The following RBMS1 variants were observed in gnomAD, a reference collection of about 807,000 sequenced individuals.
RBMS1 encodes RNA-binding motif, single-stranded-interacting protein 1.
RBMS1 carries 17 observed loss-of-function variants against 62.3 expected under a neutral mutation model. The ratio of observed to expected loss-of-function variants is 0.27; its 90% CI spans 0.19 to 0.41. The LOEUF is 0.41. Among genes scored for constraint, RBMS1 ranks in the 10% least tolerant of loss-of-function variants. The probability of loss-of-function intolerance (pLI) is 1.00; values close to 1 mark genes in which losing one functional copy is unlikely to be tolerated. For missense variants in RBMS1, 334 were observed against 504.5 expected, an observed-to-expected ratio of 0.66 and a Z score of 3.24; for synonymous variants, 172 against 170.0, an observed-to-expected ratio of 1.01 and a Z score of -0.09.
intron 1 of RBMS1, chr2:160,407,594 G>C (rs1335476304): frequency 5.1e-6 from 5 of 982,736 alleles, no homozygotes; most frequent in Middle Eastern, 5.2e-4. Flanking sequence ...CTCGCCGCGA[G>C]GGGGAGGGCG....
intron 1 of RBMS1, among the ~76,000 whole-genome samples, chr2:160,443,234 A>C (rs10460342): frequency 0.28 from 42,194 of 150,270 alleles, 6,555 homozygotes; most frequent in East Asian, 0.6. Context: ...AAAAAAAAAA[A>C]CCTTGACTTA....
At chr2:160,373,161 A>G (rs1029699538) in intron 1 of RBMS1, among the ~76,000 whole-genome samples, 1 of 152,106 alleles carries the variant, frequency 6.6e-6, no homozygotes, top group African/African-American at 2.4e-5. Flanking sequence ...CTGTCAAAGG[A>G]GAGGGGCCCA....
intron 1 of RBMS1, among the ~76,000 whole-genome samples, chr2:160,419,555 T>C (rs1473354075): frequency 6.6e-6 from 1 of 152,218 alleles, no homozygotes; most frequent in African/African-American, 2.4e-5. Flanking sequence ...GACAAAGTGC[T>C]GATAATTGCT....
intron 2 of RBMS1, among the ~76,000 whole-genome samples, chr2:160,355,327 T>A (rs75698681): frequency 0.025 from 3,786 of 152,188 alleles, 187 homozygotes; most frequent in African/African-American, 0.087. Flanking sequence ...ATTACTTCTT[T>A]CTGTTTAATA....
intron 3 of RBMS1, among the ~76,000 whole-genome samples, chr2:160,316,074 G>T (rs1690203956): frequency 6.6e-6 from 1 of 151,844 alleles, no homozygotes; most frequent in Non-Finnish European, 1.5e-5. Context: ...AATCTTTTAT[G>T]CATTTATTTA....
chr2:160,444,929 ATCC>A, intron 1 of RBMS1, among the ~76,000 whole-genome samples: 1 of 152,230 alleles, frequency 6.6e-6, no homozygotes, highest in Non-Finnish European at 1.5e-5. Flanking sequence ...TTGGACTCCC[ATCC>A]TCCAGAACTG....
chr2:160,275,636 G>C lies in RBMS1; in HGVS notation c.*1C>G. On this transcript the variant is annotated 3_prime_UTR_variant, in exon 13 of 14. Transcript: ENST00000348849. Reference sequence around the variant, plus strand: ...GAAGACCTTTCCCTCATACCTCACAGTTACTTATTAGGTTGAAAGGTATAT... The same window carrying C: ...GAAGACCTTTCCCTCATACCTCACACTTACTTATTAGGTTGAAAGGTATAT... 6.2e-7 allele frequency: 1 copy of C among 1,613,420 alleles called. No individual in the cohort carries two copies. Among genetic ancestry groups the C allele is most frequent in the Non-Finnish European group, 8.5e-7 (1 of 1,179,520 alleles).
At chr2:160,343,287 T>C (rs1209846818) in intron 2 of RBMS1, among the ~76,000 whole-genome samples, 4 of 152,228 alleles carry the variant, frequency 2.6e-5, no homozygotes, top group Admixed American at 2.6e-4. Context: ...GATGGCTGAT[T>C]TGCATTTCAG....
chr2:160,354,198 TAGAGATGAAAAA>T (rs1692671196), intron 2 of RBMS1, among the ~76,000 whole-genome samples: 1 of 152,122 alleles, frequency 6.6e-6, no homozygotes, highest in Admixed American at 6.6e-5. Flanking sequence ...TAATTCAGAC[TAGAGATGAAAAA>T]AGTTCAATAA....
At chr2:160,372,191 C>A (rs921044003) in intron 1 of RBMS1, among the ~76,000 whole-genome samples, 10 of 152,156 alleles carry the variant, frequency 6.6e-5, no homozygotes, top group African/African-American at 2.2e-4. Context: ...TTCCCACCCC[C>A]ACCTTACTTA....
chr2:160,399,609 A>G (rs1343387141), intron 1 of RBMS1, among the ~76,000 whole-genome samples: 1 of 152,158 alleles, frequency 6.6e-6, no homozygotes, highest in Non-Finnish European at 1.5e-5. Context: ...CTTTCAGTTT[A>G]AACAAAAGAA....
chr2:160,427,225 T>G (rs1338140384), intron 1 of RBMS1, among the ~76,000 whole-genome samples: 3 of 152,186 alleles, frequency 2.0e-5, no homozygotes, highest in African/African-American at 7.2e-5. Context: ...TTTCCTTCTT[T>G]AAAATAAAGA....
At chr2:160,478,692 A>G (rs149678390) in intron 1 of RBMS1, among the ~76,000 whole-genome samples, 148 of 152,304 alleles carry the variant, frequency 9.7e-4, no homozygotes, top group African/African-American at 3.3e-3. Flanking sequence ...GATTTTCCTA[A>G]TGCATGGCAC....
chr2:160,372,221 TA>T (rs1434604109), intron 1 of RBMS1, among the ~76,000 whole-genome samples: 2 of 151,642 alleles, frequency 1.3e-5, no homozygotes, highest in African/African-American at 4.8e-5. Context: ...CTAATAATTC[TA>T]GTACGTTTTG....
chr2:160,435,733 AATTGAAATAGAATG>A (rs1683082063), intron 1 of RBMS1, among the ~76,000 whole-genome samples: 1 of 152,234 alleles, frequency 6.6e-6, no homozygotes, highest in Non-Finnish European at 1.5e-5. Context: ...TTATATGAGC[AATTGAAATAGAATG>A]ATGGAAAATC....
In RBMS1 at chr2:160,390,716, A is replaced by C. The variant is rs367611801; in HGVS notation, c.76-23325T>G. 2.5e-3 allele frequency among the ~76,000 whole-genome samples: 372 copies of C among 149,504 alleles called. 1 individual carries two copies. Among genetic ancestry groups the C allele is most frequent in the African/African-American group, 8.4e-3 (342 of 40,870 alleles). On this transcript the variant is annotated intron_variant, in intron 1 of 13. Coordinates refer to ENST00000348849, the MANE Select transcript of RBMS1 (RefSeq NM_016836.4). ...AAAAAAAAAAAAAAAAAAAGCAACG[A>C]GGAACTTTTGGCTGGAATGGCAGGT...
At chr2:160,342,769 CA>C (rs550170417) in intron 2 of RBMS1, among the ~76,000 whole-genome samples, 33,229 of 117,228 alleles carry the variant, frequency 0.28, 4,283 homozygotes, top group South Asian at 0.4. Context: ...ATACAAAATA[CA>C]AAAAAAAAAA....
intron 2 of RBMS1, among the ~76,000 whole-genome samples, chr2:160,360,161 G>C (rs372438505): frequency 6.6e-6 from 1 of 152,122 alleles, no homozygotes; most frequent in Non-Finnish European, 1.5e-5. Flanking sequence ...GGCCCTATTT[G>C]TAGATAACAA....
intron 1 of RBMS1, among the ~76,000 whole-genome samples, chr2:160,431,839 C>T (rs1156479529): frequency 6.6e-6 from 1 of 152,180 alleles, no homozygotes. Flanking sequence ...AATCTTCCCT[C>T]TTAATCCCCA....
Sources: allele counts gnomAD v4.1 joint callset (sites outside exome capture counted in the v4.1 genomes callset), GRCh38; gene constraint gnomAD v4.1.1; transcripts MANE v1.5; gene names NCBI Gene and HGNC (gene_info 2026-07-23, HGNC 2026-07-21).